The following PPP4R2 variants were observed in gnomAD, a reference collection of about 807,000 sequenced individuals.
PPP4R2 encodes protein phosphatase 4 regulatory subunit 2, also known as serine/threonine-protein phosphatase 4 regulatory subunit 2.
A neutral mutation model predicts 47.2 loss-of-function variants in PPP4R2; 13 were observed. The observed-to-expected ratio is 0.28, with a 90% CI of 0.18 to 0.44. PPP4R2 has a LOEUF of 0.44. Among genes scored for constraint, PPP4R2 ranks in the 20% least tolerant of loss-of-function variants. PPP4R2 has a pLI of 1.00. For synonymous variants in PPP4R2, 151 were observed against 163.3 expected, an observed-to-expected ratio of 0.92 and a Z score of 0.57; for missense variants, 421 against 491.2, an observed-to-expected ratio of 0.86 and a Z score of 1.35.
intron 3 of PPP4R2, among the ~76,000 whole-genome samples, chr3:73,057,539 T>G (rs911086380): frequency 9.9e-5 from 15 of 152,164 alleles, no homozygotes; most frequent in Non-Finnish European, 1.6e-4. Flanking sequence ...GTTTTCTCAC[T>G]TTTAGGTTTG....
rs1553652539 is a variant in PPP4R2, at chr3:73,066,239, C to CATACATATATATATATATATATATAT, written c.*520_*521insCATATATATATATATATATATATATA. Reference sequence around the variant, plus strand: ...TGGAACTTTAAGTCATATATACATACATATATATATATATATATATATAAT... The same window carrying CATACATATATATATATATATATATAT: ...TGGAACTTTAAGTCATATATACATACATACATATATATATATATATATATATATATATATATATATATATATATAAT... On this transcript the variant is annotated 3_prime_UTR_variant, in exon 9 of 9. Coordinates refer to ENST00000356692, the MANE Select transcript of PPP4R2 (RefSeq NM_174907.4). 25 of 134,090 alleles carry CATACATATATATATATATATATATAT rather than the reference C, an allele frequency of 1.9e-4. No individual in the cohort carries two copies. Among genetic ancestry groups the CATACATATATATATATATATATATAT allele is most frequent in the African/African-American group, 6.0e-4 (22 of 36,554 alleles). The allele number at this position is 134,090 out of a possible 1,614,324, so 8.3% of individuals were successfully genotyped here.
intron 3 of PPP4R2, among the ~76,000 whole-genome samples, chr3:73,051,034 C>A (rs867769570): frequency 3.1e-4 from 47 of 152,198 alleles, no homozygotes; most frequent in African/African-American, 1.1e-3. Context: ...CCTGCCTCAG[C>A]CTCCCGAGTA....
Position 73,065,750 on chromosome 3 carries a change from T to G in PPP4R2, c.*28T>G. 1 of 1,484,980 alleles carries G rather than the reference T, an allele frequency of 6.7e-7. No individual in the cohort carries two copies. Among genetic ancestry groups the G allele is most frequent in the Non-Finnish European group, 9.2e-7 (1 of 1,090,862 alleles). The allele number at this position is 1,484,980 out of a possible 1,614,324, so 92.0% of individuals were successfully genotyped here. A position where few individuals can be genotyped will look rare whatever the true frequency, so the allele number is the denominator to read the frequency against. ...ATTTAGAAACATTTAGATGCAGTAT[T>G]TTACATACAGTTCTGGTTTTAACAC... On this transcript the variant is annotated 3_prime_UTR_variant, in exon 9 of 9. Coordinates refer to ENST00000356692, the MANE Select transcript of PPP4R2 (RefSeq NM_174907.4).
rs1157579153 is a variant in PPP4R2 at position 73,067,271 on chromosome 3, C to T, written c.*1549C>T. 1.3e-5 allele frequency: 2 copies of T among 152,076 alleles called. No individual in the cohort carries two copies. The highest frequency in any genetic ancestry group is 4.8e-5 in the African/African-American group (2 of 41,446). The allele number at this position is 152,076 out of a possible 1,614,324, so 9.4% of individuals were successfully genotyped here. A position where few individuals can be genotyped will look rare whatever the true frequency, so the allele number is the denominator to read the frequency against. On this transcript the variant is annotated 3_prime_UTR_variant, in exon 9 of 9. Transcript: ENST00000356692. ...CAGATACCTGAACTACACAGATGAG[C>T]TTCTAAAACTGATGCAAACAGTTTC...
At chr3:73,008,498 G>A (rs960780876) in intron 2 of PPP4R2, among the ~76,000 whole-genome samples, 6 of 152,118 alleles carry the variant, frequency 3.9e-5, no homozygotes, top group Non-Finnish European at 8.8e-5. Flanking sequence ...TTTACTAGTC[G>A]TTGGCTAGTT....
At chr3:73,032,478 G>A (rs1246668126) in intron 2 of PPP4R2, among the ~76,000 whole-genome samples, 4 of 151,786 alleles carry the variant, frequency 2.6e-5, no homozygotes, top group African/African-American at 9.7e-5. Flanking sequence ...TAGTAGAGGC[G>A]GGGTTTTACC....
At chr3:73,059,185 TAGAAA>T in intron 4 of PPP4R2, 55 bp downstream of exon 4, 1 of 889,264 alleles carries the variant, frequency 1.1e-6, no homozygotes, top group Non-Finnish European at 1.7e-6. Flanking sequence ...GCTTTTATTT[TAGAAA>T]AGAACATTGA....
rs979387326 is a variant in PPP4R2 at position 73,068,318 on chromosome 3, A to G, written c.*2596A>G. On this transcript the variant is annotated 3_prime_UTR_variant, in exon 9 of 9. Transcript: ENST00000356692. ...AGCAGATTGCTTACCTGTTCTCTAG[A>G]CTATAACCCAACATGTAAAAAAAAT... The G allele has an allele frequency of 2.6e-5, 4 of 152,152 alleles. No homozygotes were observed. The highest frequency in any genetic ancestry group is 5.9e-5 in the Non-Finnish European group (4 of 68,030). 9.4% of individuals were successfully genotyped at this position (152,152 alleles called of 1,614,324 possible).
Position 73,063,911 on chromosome 3 carries a change from C to T in PPP4R2, c.495-92C>T, listed in dbSNP as rs1702927421. On this transcript the variant is annotated intron_variant, in intron 6 of 8. Transcript: ENST00000356692. ...CATGGGCCTGAAAACAAAGTTGCAG[C>T]AAATACTTCTGTGATGTATTCACAT... The T allele has an allele frequency of 6.3e-6, 8 of 1,273,586 alleles. No homozygotes were observed. In the East Asian group the frequency reaches 1.9e-4, roughly 30 times the overall value. 78.9% of individuals were successfully genotyped at this position (1,273,586 alleles called of 1,614,324 possible). A position where few individuals can be genotyped will look rare whatever the true frequency, so the allele number is the denominator to read the frequency against.
chr3:73,027,236 C>T (rs1035667243), intron 2 of PPP4R2, among the ~76,000 whole-genome samples: 5 of 152,200 alleles, frequency 3.3e-5, no homozygotes, highest in Non-Finnish European at 5.9e-5. Flanking sequence ...AAGCTCTTCC[C>T]CTGCCTCAGC....
chr3:73,017,426 A>G (rs1486181688), intron 2 of PPP4R2, among the ~76,000 whole-genome samples: 1 of 152,212 alleles, frequency 6.6e-6, no homozygotes, highest in African/African-American at 2.4e-5. Context: ...ACCAGTCTTC[A>G]GTGACAGCAG....
chr3:73,014,960 T>TC (rs1469561707), intron 2 of PPP4R2: 1 of 695,262 alleles, frequency 1.4e-6, no homozygotes, highest in South Asian at 1.5e-5. Context: ...TGCCTCAACT[T>TC]CCCAAACTGC....
intron 3 of PPP4R2, among the ~76,000 whole-genome samples, chr3:73,055,399 G>T (rs1226593928): frequency 6.9e-6 from 1 of 145,168 alleles, no homozygotes; most frequent in African/African-American, 2.6e-5. Flanking sequence ...TTTTGAGTAA[G>T]GTCTCCTAGT....
At chr3:73,060,546 A>G (rs1702832566) in intron 4 of PPP4R2, among the ~76,000 whole-genome samples, 1 of 152,194 alleles carries the variant, frequency 6.6e-6, no homozygotes, top group Non-Finnish European at 1.5e-5. Context: ...GAATATTAGT[A>G]AAGTTATTTT....
chr3:73,056,289 C>G (rs907866062), intron 3 of PPP4R2, among the ~76,000 whole-genome samples: 1 of 139,210 alleles, frequency 7.2e-6, no homozygotes, highest in African/African-American at 2.5e-5. Flanking sequence ...CTCCATGGCA[C>G]TTTTTATACA....
chr3:73,020,643 C>T (rs1440779511), intron 2 of PPP4R2, among the ~76,000 whole-genome samples: 1 of 148,256 alleles, frequency 6.7e-6, no homozygotes, highest in Non-Finnish European at 1.5e-5. Flanking sequence ...GCACTCCAGC[C>T]TGGGCCACAG....
intron 2 of PPP4R2, among the ~76,000 whole-genome samples, chr3:73,024,141 A>T (rs896466026): frequency 6.6e-6 from 1 of 152,172 alleles, no homozygotes. Flanking sequence ...TATACATAAT[A>T]AATTCAGATC....
At chr3:73,033,996 G>A (rs930186069) in intron 2 of PPP4R2, among the ~76,000 whole-genome samples, 5 of 152,146 alleles carry the variant, frequency 3.3e-5, no homozygotes, top group African/African-American at 9.7e-5. Context: ...CACAATGGCC[G>A]CGCCATTTTA....
intron 2 of PPP4R2, among the ~76,000 whole-genome samples, chr3:73,002,634 C>CTTTTCTTTTCTT (rs1205542107): frequency 2.4e-5 from 1 of 41,164 alleles, no homozygotes; most frequent in African/African-American, 1.2e-4. Flanking sequence ...CTTTTCTTTT[C>CTTTTCTTTTCTT]TTTTTTTTTT....
Sources: gnomAD v4.1 joint callset for allele counts (sites outside exome capture counted in the v4.1 genomes callset) on GRCh38, gnomAD v4.1.1 for gene constraint, MANE v1.5 for transcripts, NCBI Gene and HGNC (gene_info 2026-07-23, HGNC 2026-07-21) for gene names.